SPAG16: variants seen among roughly 807,000 people sequenced by gnomAD.
The protein encoded by SPAG16 is sperm associated antigen 16, also known as sperm-associated antigen 16 protein.
SPAG16 carries 86 observed loss-of-function variants against 80.4 expected under a neutral mutation model. The ratio of observed to expected loss-of-function variants is 1.07; its 90% confidence interval spans 0.90 to 1.28. SPAG16 has a LOEUF of 1.28. Among genes scored for constraint, SPAG16 ranks in the 50% most tolerant of loss-of-function variants. The pLI is 0.00. For missense variants in SPAG16, 870 were observed against 765.3 expected (o/e 1.14, Z -1.61); for synonymous variants, 294 against 265.9 (o/e 1.11, Z -1.03).
intron 12 of SPAG16, among the ~76,000 whole-genome samples, chr2:213,997,370 G>C (rs1032752688): frequency 6.6e-6 from 1 of 152,162 alleles, no homozygotes; most frequent in Non-Finnish European, 1.5e-5. Flanking sequence ...CAGCTCAGAA[G>C]GGTTCGGCCT....
chr2:214,275,024 G>T (rs1481608926), intron 15 of SPAG16, among the ~76,000 whole-genome samples: 1 of 152,120 alleles, frequency 6.6e-6, no homozygotes, highest in Non-Finnish European at 1.5e-5. Flanking sequence ...TTTAGTGTTG[G>T]GAGGGTGTAT....
chr2:214,281,028 C>G (rs1692890168), intron 15 of SPAG16: 1 of 409,908 alleles, frequency 2.4e-6, no homozygotes, highest in Admixed American at 2.9e-5. Context: ...TTCACAGCTC[C>G]CTCAGGGCGC....
At chr2:213,847,553 G>T (rs547445569) in intron 10 of SPAG16, among the ~76,000 whole-genome samples, 1 of 152,120 alleles carries the variant, frequency 6.6e-6, no homozygotes, top group African/African-American at 2.4e-5. Context: ...CCAAAGGGAC[G>T]GTCCAAGCCA....
At chr2:213,886,602 G>T (rs762452436) in intron 11 of SPAG16, among the ~76,000 whole-genome samples, 24 of 152,020 alleles carry the variant, frequency 1.6e-4, no homozygotes, top group Non-Finnish European at 2.6e-4. Context: ...GTGACGAAAG[G>T]ATTGGTGTAA....
At chr2:213,689,210 A>G (rs2064828614) in intron 10 of SPAG16, among the ~76,000 whole-genome samples, 1 of 152,162 alleles carries the variant, frequency 6.6e-6, no homozygotes. Context: ...CACCCACCTC[A>G]GCCTTGCAAA....
At chr2:214,329,355 A>G (rs896015910) in intron 15 of SPAG16, among the ~76,000 whole-genome samples, 15 of 152,318 alleles carry the variant, frequency 9.8e-5, no homozygotes, top group African/African-American at 3.6e-4. Context: ...CTTCCCTTTG[A>G]TATTTTTGGC....
chr2:214,058,550 A>G (rs1423726794), intron 13 of SPAG16, among the ~76,000 whole-genome samples: 1 of 152,210 alleles, frequency 6.6e-6, no homozygotes, highest in Non-Finnish European at 1.5e-5. Context: ...TACTGTGAGA[A>G]TTACCAAAAT....
At chr2:213,543,118 A>G (rs374275876) in intron 10 of SPAG16, among the ~76,000 whole-genome samples, 5 of 152,182 alleles carry the variant, frequency 3.3e-5, no homozygotes, top group African/African-American at 1.2e-4. Flanking sequence ...CAATAAACAC[A>G]CTTTGATGAA....
chr2:213,958,927 C>A (rs2044281016), intron 12 of SPAG16, among the ~76,000 whole-genome samples: 1 of 152,122 alleles, frequency 6.6e-6, no homozygotes, highest in African/African-American at 2.4e-5. Flanking sequence ...TCGTACATTT[C>A]TTTCAGGGCA....
intron 15 of SPAG16, among the ~76,000 whole-genome samples, chr2:214,195,320 G>GATAGATAGATAGATAT (rs1311809449): frequency 6.6e-6 from 1 of 151,810 alleles, no homozygotes; most frequent in Non-Finnish European, 1.5e-5. Context: ...TAGATAGATA[G>GATAGATAGATAGATAT]ATAGATAGAT....
chr2:213,810,958 G>A (rs2072114978), intron 10 of SPAG16, among the ~76,000 whole-genome samples: 1 of 152,164 alleles, frequency 6.6e-6, no homozygotes, highest in Non-Finnish European at 1.5e-5. Context: ...TGTGAGGATT[G>A]TGGTGTAGCT....
At chr2:213,413,118 CTA>C (rs771765763) in intron 9 of SPAG16, among the ~76,000 whole-genome samples, 55 of 152,158 alleles carry the variant, frequency 3.6e-4, no homozygotes, top group African/African-American at 1.2e-3. Flanking sequence ...ATAAATGAGA[CTA>C]TAAATGGTTT....
At chr2:213,442,441 A>G (rs1008549555) in intron 9 of SPAG16, among the ~76,000 whole-genome samples, 2 of 152,346 alleles carry the variant, frequency 1.3e-5, no homozygotes, top group Middle Eastern at 3.4e-3. Flanking sequence ...TTATATGGGT[A>G]TTCAAAAGAC....
chr2:213,856,903 A>G (rs2372260), intron 10 of SPAG16, among the ~76,000 whole-genome samples: 52,303 of 152,074 alleles, frequency 0.34, 9,457 homozygotes, highest in South Asian at 0.47. Context: ...TCCAGAAGAC[A>G]TAGCTAAGAT....
intron 13 of SPAG16, among the ~76,000 whole-genome samples, chr2:214,099,268 T>G (rs1360760854): frequency 1.3e-5 from 2 of 152,070 alleles, no homozygotes; most frequent in Non-Finnish European, 2.9e-5. Flanking sequence ...TAACAAGGAA[T>G]AGAGAAAAAG....
At chr2:213,393,867 C>G (rs917128202) in intron 9 of SPAG16, among the ~76,000 whole-genome samples, 11 of 151,888 alleles carry the variant, frequency 7.2e-5, no homozygotes, top group Admixed American at 6.6e-4. Context: ...TGAACGTGTT[C>G]TTTTTCATAT....
chr2:214,131,889 C>T (rs2054801216), intron 14 of SPAG16, among the ~76,000 whole-genome samples: 1 of 152,000 alleles, frequency 6.6e-6, no homozygotes, highest in Non-Finnish European at 1.5e-5. Flanking sequence ...TGTCTAAACC[C>T]ATAGAACGTA....
At chr2:214,308,538 C>T (rs1247807047) in intron 15 of SPAG16, among the ~76,000 whole-genome samples, 1 of 152,086 alleles carries the variant, frequency 6.6e-6, no homozygotes, top group Non-Finnish European at 1.5e-5. Context: ...CTTTTCTATC[C>T]ATCTTTAATG....
chr2:213,814,855 A>T (rs2072417944), intron 10 of SPAG16, among the ~76,000 whole-genome samples: 2 of 151,612 alleles, frequency 1.3e-5, no homozygotes, highest in Non-Finnish European at 2.9e-5. Flanking sequence ...ACTTTTCAAG[A>T]GAACATAACA....
Sources: gnomAD v4.1 joint callset for allele counts (sites outside exome capture counted in the v4.1 genomes callset) on GRCh38, gnomAD v4.1.1 for gene constraint, MANE v1.5 for transcripts, NCBI Gene and HGNC (gene_info 2026-07-23, HGNC 2026-07-21) for gene names.